Variants in DIP2A observed in about 807,000 individuals in gnomAD.
DIP2A encodes the protein disco-interacting protein 2 homolog A.
In DIP2A, 85 loss-of-function variants were observed where a neutral mutation model predicts 177.4. That is an observed-to-expected ratio of 0.48 (90% CI 0.40 to 0.57). The LOEUF (loss-of-function observed/expected upper bound fraction) is 0.57. Ranked by LOEUF, DIP2A falls within the 20% of genes least tolerant of loss-of-function variation. The probability of loss-of-function intolerance (pLI) is 0.00; values close to 1 mark genes in which losing one functional copy is unlikely to be tolerated. For missense variants in DIP2A, 1,791 were observed against 2,100.2 expected, an observed-to-expected ratio of 0.85 and a Z score of 2.88; for synonymous variants, 886 against 881.8, an observed-to-expected ratio of 1.00 and a Z score of -0.08.
downstream of DIP2A, among the ~76,000 whole-genome samples, chr21:46,574,560 CATTTT>C (rs1412669120): frequency 6.6e-6 from 1 of 151,982 alleles, no homozygotes; most frequent in Non-Finnish European, 1.5e-5. Flanking sequence ...ACAAAATTGA[CATTTT>C]AGCTAGATGG....
In DIP2A at chr21:46,550,585, C is replaced by G. The variant is rs757370021; in HGVS notation, c.2680C>G (p.Leu894Val). 6.2e-6 allele frequency: 10 copies of G among 1,613,742 alleles called. No individual in the cohort carries two copies. Among genetic ancestry groups the G allele is most frequent in the Non-Finnish European group, 8.5e-6 (10 of 1,179,826 alleles). ...IHQVGVYCLA[L>V]VPANTLPKAP... ...CCAGGTGGGCGTGTACTGTCTGGCC[C>G]TGGTTCCTGCCAACACCTTGCCCAA... Residue 894 changes from leucine to valine, a missense_variant, in exon 23 of 38, where the codon CTG becomes GTG. Leu to Val is a conservative substitution (Grantham distance 32). Coordinates refer to ENST00000417564, the MANE Select transcript of DIP2A (RefSeq NM_015151.4).
chr21:46,459,680 A>C (rs1180208219), intron 1 of DIP2A, among the ~76,000 whole-genome samples: 1 of 148,054 alleles, frequency 6.8e-6, no homozygotes, highest in African/African-American at 2.5e-5. Flanking sequence ...CAAACCAGGG[A>C]CCACTGCCCC....
At chr21:46,503,234 AATTG>A (rs1429115970) in intron 5 of DIP2A, among the ~76,000 whole-genome samples, 4 of 151,478 alleles carry the variant, frequency 2.6e-5, no homozygotes, top group African/African-American at 9.7e-5. Flanking sequence ...GAGACAGGAG[AATTG>A]CTTGAACTCA....
At chr21:46,463,885 T>C (rs957218785) in intron 1 of DIP2A, among the ~76,000 whole-genome samples, 7 of 151,648 alleles carry the variant, frequency 4.6e-5, no homozygotes, top group African/African-American at 1.7e-4. Context: ...GTTTTTTGTA[T>C]CTTTAGTAGA....
chr21:46,554,840 G>A lies in DIP2A; in HGVS notation c.3295G>A (p.Val1099Ile), dbSNP rs376276199. The change falls in exon 28 of 38, where the codon GTC becomes ATC. Residue 1099 changes from valine (V) to isoleucine (I), a missense_variant. Val to Ile is a conservative substitution (Grantham distance 29). Transcript: ENST00000417564. ...MIVEVSKSAC[V>I]LTTQAVTRLL... ...CATGCAGGTCAGCAAGTCTGCATGC[G>A]TCCTCACCACGCAGGCTGTCACACG... The A allele has an allele frequency of 1.2e-4, 186 of 1,522,238 alleles. 1 individual carries two copies. In the African/African-American group the frequency reaches 1.7e-3, roughly 14 times the overall value. 94.3% of individuals were successfully genotyped at this position (1,522,238 alleles called of 1,614,324 possible). A position where few individuals can be genotyped will look rare whatever the true frequency, so the allele number is the denominator to read the frequency against.
At chr21:46,538,733 T>C in intron 16 of DIP2A, 131 bp downstream of exon 16, 1 of 1,319,254 alleles carries the variant, frequency 7.6e-7, no homozygotes, top group Non-Finnish European at 1.0e-6. Flanking sequence ...TGTCCCATCG[T>C]TTCTATGACA....
intron 8 of DIP2A, among the ~76,000 whole-genome samples, chr21:46,520,973 C>T (rs964172085): frequency 6.6e-6 from 1 of 152,070 alleles, no homozygotes; most frequent in South Asian, 2.1e-4. Context: ...GAAAGTTTGT[C>T]AAATATTAAA....
In DIP2A at chr21:46,534,113, G is replaced by A; in HGVS notation, c.1539G>A (p.Glu513=). ...QDTGTGTAYI[E]YKTSKEGSTV... ...CAGGGACTGGGACTGCCTACATTGA[G>A]GTAATGACTGTTCCTAACTTAGAGA... is the stretch of plus-strand genomic sequence containing the variant. The change falls in exon 12 of 38, where the codon GAG becomes GAA. Residue 513 remains glutamate, a splice_region_variant and synonymous_variant. Coordinates refer to ENST00000417564, the MANE Select transcript of DIP2A (RefSeq NM_015151.4). 2 of 1,608,126 alleles carry A rather than the reference G, an allele frequency of 1.2e-6. No individual in the cohort carries two copies. Among genetic ancestry groups the A allele is most frequent in the Non-Finnish European group, 1.7e-6 (2 of 1,174,874 alleles).
At chr21:46,509,205 A>G (rs771662003) in intron 6 of DIP2A, 52 bp from the exon 7 acceptor site, 57 of 1,551,164 alleles carry the variant, frequency 3.7e-5, no homozygotes, top group Non-Finnish European at 4.6e-5. Context: ...ACCTGTGTCC[A>G]CTTCTTCAGA....
chr21:46,546,261 A>G, intron 20 of DIP2A: 3 of 1,184,574 alleles, frequency 2.5e-6, no homozygotes, highest in Non-Finnish European at 3.1e-6. Flanking sequence ...ATTCTTTACC[A>G]TTTTGGATGT....
chr21:46,559,039 G>T (rs532135205), intron 32 of DIP2A: 1 of 143,738 alleles, frequency 7.0e-6, no homozygotes, highest in African/African-American at 2.6e-5. Context: ...GGAGGTTGCA[G>T]CGAGCCAAGA....
At chr21:46,473,661 G>A (rs991109124) in intron 1 of DIP2A, among the ~76,000 whole-genome samples, 9 of 152,018 alleles carry the variant, frequency 5.9e-5, no homozygotes, top group African/African-American at 1.9e-4. Flanking sequence ...GATTACAGGC[G>A]TGTGCCACCA....
intron 21 of DIP2A, 170 bp downstream of exon 21, chr21:46,547,212 A>G (rs2060088771): frequency 7.1e-7 from 1 of 1,414,096 alleles, no homozygotes; most frequent in South Asian, 1.5e-5. Flanking sequence ...CAATGATACC[A>G]GAGTTAATAT....
chr21:46,490,717 C>A lies in DIP2A; in HGVS notation c.281C>A (p.Ser94Ter). The A allele has an allele frequency of 6.4e-7, 1 of 1,572,852 alleles. No individual in the cohort carries two copies. Among genetic ancestry groups the A allele is most frequent in the Non-Finnish European group, 8.6e-7 (1 of 1,159,160 alleles). The part of the protein sequence containing the change: ...PTASRDERFR[S>*]DVHTEAVQAA... Reference sequence around the variant, plus strand: ...GCCTCGAGGGATGAGCGCTTCCGGTCAGGTAGGGTCACAGCCTAGGCAGTG... The same window carrying A: ...GCCTCGAGGGATGAGCGCTTCCGGTAAGGTAGGGTCACAGCCTAGGCAGTG... The change falls in exon 3 of 38, where the codon TCA becomes TAA. Residue 94 changes from serine (S) to a stop codon, truncating the protein, a stop_gained and splice_region_variant. Coordinates refer to ENST00000417564, the MANE Select transcript of DIP2A (RefSeq NM_015151.4). LOFTEE classifies it high-confidence loss of function.
chr21:46,543,596 C>T (rs976938743), intron 18 of DIP2A, among the ~76,000 whole-genome samples: 1 of 111,914 alleles, frequency 8.9e-6, no homozygotes, highest in Non-Finnish European at 1.9e-5. Context: ...CTCCACAGCC[C>T]CCGGGCTGTA....
At position 46,498,251 on chromosome 21, in the gene DIP2A, G is replaced by A. The variant is rs2057462496; in HGVS notation, c.404-331G>A. Among the ~76,000 whole-genome samples the A allele has an allele frequency of 6.6e-6, 1 of 152,194 alleles. No homozygotes were observed. Among genetic ancestry groups the A allele is most frequent in the Non-Finnish European group, 1.5e-5 (1 of 68,032 alleles). ...CTCTGTGGACATGCAGTGCAGCACT[G>A]AATATTCACAGAACACCCCCACTGA... On this transcript the variant is annotated intron_variant, in intron 4 of 37. Transcript: ENST00000417564. The surrounding 1 kb of genome is among the most constrained non-coding windows in gnomAD (Gnocchi z 4.3).
Position 46,498,548 on chromosome 21 carries a change from G to T in DIP2A, c.404-34G>T. On this transcript the variant is annotated intron_variant, in intron 4 of 37. Coordinates refer to ENST00000417564, the MANE Select transcript of DIP2A (RefSeq NM_015151.4). The surrounding 1 kb of genome is among the most constrained non-coding windows in gnomAD (Gnocchi z 4.3). ...CTCCGTCCTCCTCTTGACTCATCCC[G>T]ATATCATGCCTGTCATCGTTATTTT... 1 of 1,576,496 alleles carries T rather than the reference G, an allele frequency of 6.3e-7. No homozygotes were observed.
At chr21:46,481,911 C>T (rs374391134) in intron 1 of DIP2A, among the ~76,000 whole-genome samples, 4 of 151,968 alleles carry the variant, frequency 2.6e-5, no homozygotes, top group Non-Finnish European at 4.4e-5. Flanking sequence ...ATTAGCCAGG[C>T]GTGGTGGCGC....
At chr21:46,529,674 C>A (rs2059274220) in intron 9 of DIP2A, among the ~76,000 whole-genome samples, 1 of 151,076 alleles carries the variant, frequency 6.6e-6, no homozygotes, top group African/African-American at 2.4e-5. Context: ...AAGCAGCATT[C>A]TTTTTCTGCA....
Sources: allele counts gnomAD v4.1 joint callset (sites outside exome capture counted in the v4.1 genomes callset), GRCh38; gene constraint gnomAD v4.1.1; non-coding constraint Gnocchi (gnomAD v3.1); transcripts MANE v1.5; gene names NCBI Gene and HGNC (gene_info 2026-07-23, HGNC 2026-07-21).